Variants in RERE observed in about 807,000 individuals in gnomAD.
RERE encodes arginine-glutamic acid dipeptide repeats, also known as arginine-glutamic acid dipeptide repeats protein.
RERE carries 40 observed loss-of-function variants against 146.1 expected under a neutral mutation model. That is an observed-to-expected ratio of 0.27 (90% CI 0.21 to 0.36). The LOEUF (loss-of-function observed/expected upper bound fraction) is 0.36. Among genes scored for constraint, RERE ranks in the 10% least tolerant of loss-of-function variants. The probability of loss-of-function intolerance (pLI) is 1.00; values close to 1 mark genes in which losing one functional copy is unlikely to be tolerated. For synonymous variants in RERE, 1,003 were observed against 866.0 expected (o/e 1.16, Z -2.78); for missense variants, 1,933 against 2,138.7 (o/e 0.90, Z 1.90).
chr1:8,479,125 CT>C (rs1644798133), intron 10 of RERE, among the ~76,000 whole-genome samples: 1 of 152,066 alleles, frequency 6.6e-6, no homozygotes, highest in Non-Finnish European at 1.5e-5. Context: ...TGGCTCACAC[CT>C]GTAATCCCAG....
chr1:8,771,703 G>A (rs574496181), intron 1 of RERE, among the ~76,000 whole-genome samples: 14 of 152,036 alleles, frequency 9.2e-5, no homozygotes, highest in Admixed American at 5.2e-4. Context: ...GAGGTCAGGA[G>A]ATAGAGGCCA....
intron 12 of RERE, among the ~76,000 whole-genome samples, chr1:8,413,767 G>C (rs1643680411): frequency 6.6e-6 from 1 of 151,662 alleles, no homozygotes; most frequent in Non-Finnish European, 1.5e-5. Flanking sequence ...AGAAATGAGG[G>C]AACTTTAGCA....
intron 7 of RERE, among the ~76,000 whole-genome samples, chr1:8,524,182 C>T (rs574102265): frequency 1.3e-5 from 2 of 152,256 alleles, no homozygotes; most frequent in South Asian, 4.2e-4. Flanking sequence ...CCCAAAACTC[C>T]CCAGTGCAAT....
At chr1:8,368,391 G>A (rs942832857) in intron 12 of RERE, among the ~76,000 whole-genome samples, 8 of 151,670 alleles carry the variant, frequency 5.3e-5, no homozygotes, top group African/African-American at 1.5e-4. Context: ...GGAGAATGGC[G>A]TGAACCCGGG....
rs35349056 is a variant in RERE at position 8,607,725 on chromosome 1, C to CTTTTTT, written c.522+6830_522+6835dup. ...CACAGCCACACAACACCATATCTGG[C>CTTTTTT]TTTTTTTTTTTTTTTTTTGAGATGG... On this transcript the variant is annotated intron_variant, in intron 4 of 22. Transcript: ENST00000400908. 4.5e-4 allele frequency among the ~76,000 whole-genome samples: 42 copies of CTTTTTT among 92,910 alleles called. 1 individual carries two copies. The highest frequency in any genetic ancestry group is 1.7e-3 in the African/African-American group (37 of 22,070). 61.0% of individuals were successfully genotyped at this position (92,910 alleles called of 152,430 possible).
chr1:8,709,427 A>AT (rs575208559), intron 1 of RERE, among the ~76,000 whole-genome samples: 39 of 151,720 alleles, frequency 2.6e-4, no homozygotes, highest in African/African-American at 8.5e-4. Flanking sequence ...TCCCTTGTAG[A>AT]TTTTTTTTAG....
At position 8,364,221 on chromosome 1, in the gene RERE, GTT is replaced by G; in HGVS notation, c.1573_1574del (p.Asn525HisfsTer16). 6.2e-7 allele frequency: 1 copy of G among 1,614,180 alleles called. No homozygotes were observed. Among genetic ancestry groups the G allele is most frequent in the Non-Finnish European group, 8.5e-7 (1 of 1,180,038 alleles). On this transcript the variant is annotated frameshift_variant, in exon 15 of 23. Transcript: ENST00000400908. LOFTEE classifies it high-confidence loss of function. The surrounding 1 kb of genome is among the most constrained non-coding windows in gnomAD (Gnocchi z 5.1). ...TGCGACAGTCGGTGCAAAGCAGGAT[GTT>G]CTCCCGGCCTCCGTGGTGCCAATCT... Reference protein sequence around the residue: ...SKDWHHGGRENILLCTDCRIH... With the variant: ...SKDWHHGGREXILLCTDCRIH...
At chr1:8,686,386 CAA>C (rs1639087033) in intron 1 of RERE, among the ~76,000 whole-genome samples, 1 of 152,254 alleles carries the variant, frequency 6.6e-6, no homozygotes, top group East Asian at 1.9e-4. Context: ...AGCAGTAAAC[CAA>C]AGAGTCAAAA....
intron 1 of RERE, among the ~76,000 whole-genome samples, chr1:8,667,671 C>T (rs1019163424): frequency 1.4e-4 from 22 of 152,022 alleles, no homozygotes; most frequent in African/African-American, 5.3e-4. Context: ...AGCAAGACTC[C>T]GTCTCAAAAA....
chr1:8,698,767 T>C (rs1015019051), intron 1 of RERE, among the ~76,000 whole-genome samples: 2 of 152,102 alleles, frequency 1.3e-5, no homozygotes, highest in Non-Finnish European at 2.9e-5. Flanking sequence ...ATCTTCCCAA[T>C]AGGGCCTCTC....
intron 2 of RERE, among the ~76,000 whole-genome samples, chr1:8,631,075 G>C (rs1647030195): frequency 6.6e-6 from 1 of 152,190 alleles, no homozygotes; most frequent in African/African-American, 2.4e-5. Flanking sequence ...AACAAGGACA[G>C]TTAAATAATG....
chr1:8,360,685 G>A lies in RERE; in HGVS notation c.2822C>T (p.Ala941Val), dbSNP rs1241110157. 105 of 1,551,852 alleles carry A rather than the reference G, an allele frequency of 6.8e-5. No homozygotes were observed. Among genetic ancestry groups the A allele is most frequent in the Middle Eastern group, 3.6e-4 (2 of 5,556 alleles). ...PPTTPIPQLP[A>V]PQAHKHPPHL... ...GGGAGGGTGCTTGTGGGCCTGTGGC[G>A]CCGGCAGCTGGGGGATGGGAGTGGT... Residue 941 changes from alanine to valine, a missense_variant, in exon 18 of 23, where the codon GCG becomes GTG. By Grantham distance (64) the Ala-to-Val change is moderately conservative. This residue lies in a region of RERE where 1,255 missense variants were observed against 1,153.8 expected (regional missense o/e 1.09). Transcript: ENST00000400908.
At chr1:8,611,093 G>A (rs1422350296) in intron 4 of RERE, among the ~76,000 whole-genome samples, 1 of 152,172 alleles carries the variant, frequency 6.6e-6, no homozygotes, top group Admixed American at 6.5e-5. Context: ...TACTCGGGAA[G>A]CTGAGGCAGG....
intron 1 of RERE, among the ~76,000 whole-genome samples, chr1:8,677,259 G>GTCTCTATTT (rs1387520440): frequency 6.6e-6 from 1 of 151,852 alleles, no homozygotes; most frequent in Non-Finnish European, 1.5e-5. Context: ...GTAAAACCCT[G>GTCTCTATTT]TCTCTATTAA....
intron 4 of RERE, among the ~76,000 whole-genome samples, chr1:8,559,091 C>T (rs1646040882): frequency 1.3e-5 from 2 of 150,984 alleles, no homozygotes; most frequent in South Asian, 2.1e-4. Context: ...TGAGCCACCA[C>T]GCCGGCCGAA....
rs1317117244 is a variant in RERE at position 8,431,800 on chromosome 1, G to A, written c.1204-8993C>T. Among the ~76,000 whole-genome samples the A allele has an allele frequency of 1.3e-5, 2 of 152,050 alleles. 1 individual carries two copies. Among genetic ancestry groups the A allele is most frequent in the South Asian group, 4.2e-4 (2 of 4,802 alleles). On this transcript the variant is annotated intron_variant, in intron 11 of 22. Coordinates refer to ENST00000400908, the MANE Select transcript of RERE (RefSeq NM_001042681.2). ...GGGCCTAGCACCTCAAATCTCCCCC[G>A]CTTCTCTCTCCCCAAGCCAGCTTGC...
chr1:8,443,884 C>T (rs2124019149), intron 11 of RERE, among the ~76,000 whole-genome samples: 1 of 95,522 alleles, frequency 1.0e-5, no homozygotes, highest in Middle Eastern at 4.0e-3. Flanking sequence ...TTGGCAGCCT[C>T]TGCCAAGATT....
chr1:8,674,325 A>G (rs1250038540), intron 1 of RERE, among the ~76,000 whole-genome samples: 3 of 152,174 alleles, frequency 2.0e-5, no homozygotes, highest in African/African-American at 7.2e-5. Context: ...CATCAGAAGG[A>G]AAGTAATACA....
At chr1:8,387,281 G>C (rs1156286315) in intron 12 of RERE, among the ~76,000 whole-genome samples, 5 of 152,220 alleles carry the variant, frequency 3.3e-5, no homozygotes. Flanking sequence ...ACAGAAACAA[G>C]TAAATCTGGT....
Sources: gnomAD v4.1 joint callset for allele counts (sites outside exome capture counted in the v4.1 genomes callset) on GRCh38, gnomAD v4.1.1 for gene constraint, gnomAD v4.1.1 regional missense constraint, Gnocchi (gnomAD v3.1) non-coding constraint, MANE v1.5 for transcripts, NCBI Gene and HGNC (gene_info 2026-07-23, HGNC 2026-07-21) for gene names.